The following INTS4 variants were observed in gnomAD, a reference collection of about 807,000 sequenced individuals.
INTS4 encodes the protein MSTP093.
A neutral mutation model predicts 119.5 loss-of-function variants in INTS4; 70 were observed. That is an observed-to-expected ratio of 0.59 (90% CI 0.48 to 0.71). INTS4 has a LOEUF of 0.71. Among genes scored for constraint, INTS4 ranks in the 30% least tolerant of loss-of-function variants. The probability of loss-of-function intolerance (pLI) is 0.00; values close to 1 mark genes in which losing one functional copy is unlikely to be tolerated. For synonymous variants in INTS4, 316 were observed against 419.6 expected (o/e 0.75, Z 3.02); for missense variants, 867 against 1,173.2 (o/e 0.74, Z 3.81).
rs551512173 is a variant in INTS4 at position 77,901,110 on chromosome 11, A to T, written c.2228+311T>A. On this transcript the variant is annotated intron_variant, in intron 18 of 22. Coordinates refer to ENST00000534064, the MANE Select transcript of INTS4 (RefSeq NM_033547.4). ...AAGTGGTCCCTGGCACTAAATTCTTAAGGAAATCTATCAAGTAGGAGGATA... is the reference window on the plus strand; with the variant it reads ...AAGTGGTCCCTGGCACTAAATTCTTTAGGAAATCTATCAAGTAGGAGGATA... Among the ~76,000 whole-genome samples, 4 of 152,326 alleles carry T rather than the reference A, an allele frequency of 2.6e-5. No homozygotes were observed. In the East Asian group the frequency reaches 7.7e-4, roughly 29 times the overall value.
At chr11:77,976,243 G>A (rs1238306175) in intron 4 of INTS4, among the ~76,000 whole-genome samples, 1 of 152,164 alleles carries the variant, frequency 6.6e-6, no homozygotes, top group African/African-American at 2.4e-5. Context: ...TATACTGCTT[G>A]TGGGCATATA....
At chr11:77,948,375 G>A (rs1251649934) in intron 8 of INTS4, among the ~76,000 whole-genome samples, 44 of 152,122 alleles carry the variant, frequency 2.9e-4, no homozygotes, top group Admixed American at 2.8e-3. Context: ...AGCTGGGCGC[G>A]GTGGCTTATG....
chr11:77,974,785 G>A (rs1855880696), intron 4 of INTS4, among the ~76,000 whole-genome samples: 1 of 151,834 alleles, frequency 6.6e-6, no homozygotes, highest in African/African-American at 2.4e-5. Flanking sequence ...GTTTTATGTA[G>A]ATATGGGGTC....
chr11:77,980,947 C>T (rs1349645957), intron 3 of INTS4, among the ~76,000 whole-genome samples: 2 of 151,412 alleles, frequency 1.3e-5, no homozygotes, highest in Admixed American at 6.6e-5. Flanking sequence ...GAGCCGAGAT[C>T]GTGCCACTGC....
intron 8 of INTS4, 92 bp downstream of exon 8, chr11:77,955,850 T>A (rs1954307091): frequency 9.3e-6 from 12 of 1,283,898 alleles, no homozygotes; most frequent in African/African-American, 1.5e-5. Flanking sequence ...GCCAAGAGTT[T>A]GAGACCAACC....
intron 8 of INTS4, among the ~76,000 whole-genome samples, chr11:77,942,050 A>G (rs1280432406): frequency 2.0e-5 from 3 of 152,154 alleles, no homozygotes; most frequent in Non-Finnish European, 4.4e-5. Context: ...CTTTCCATTC[A>G]TCTGTTCATT....
intron 1 of INTS4, among the ~76,000 whole-genome samples, chr11:77,991,922 G>A (rs529799396): frequency 6.6e-6 from 1 of 151,914 alleles, no homozygotes; most frequent in East Asian, 1.9e-4. Flanking sequence ...CACCTACTAC[G>A]TTCAAGCGAT....
intron 22 of INTS4, among the ~76,000 whole-genome samples, chr11:77,883,250 G>A (rs1951863270): frequency 6.6e-6 from 1 of 152,088 alleles, no homozygotes. Context: ...ACACCACTGA[G>A]GCCAATTCTG....
chr11:77,901,692 A>G (rs1223902774), intron 17 of INTS4, 141 bp from the exon 18 acceptor site: 3 of 650,496 alleles, frequency 4.6e-6, no homozygotes, highest in African/African-American at 3.7e-5. Flanking sequence ...GTTGAAAGAA[A>G]TTAGTATAGT....
At chr11:77,970,067 G>C (rs1182349216) in intron 4 of INTS4, among the ~76,000 whole-genome samples, 1 of 152,040 alleles carries the variant, frequency 6.6e-6, no homozygotes, top group Non-Finnish European at 1.5e-5. Context: ...CATTTGACTT[G>C]CTCCCACCTT....
chr11:77,956,308 G>A (rs1270578534), intron 7 of INTS4, among the ~76,000 whole-genome samples: 2 of 152,206 alleles, frequency 1.3e-5, no homozygotes, highest in Admixed American at 6.5e-5. Flanking sequence ...CTACTTGGGA[G>A]GCTGAAGTGG....
intron 15 of INTS4, chr11:77,918,347 G>GA: frequency 2.6e-6 from 1 of 391,658 alleles, no homozygotes; most frequent in South Asian, 2.1e-5. Flanking sequence ...TGAAGTGGGA[G>GA]AATCACTTGC....
At position 77,892,853 on chromosome 11, in the gene INTS4, G is replaced by T. The variant is rs1031643012; in HGVS notation, c.2289-1013C>A. 4.6e-5 allele frequency among the ~76,000 whole-genome samples: 7 copies of T among 152,290 alleles called. No individual in the cohort carries two copies. In the East Asian group the frequency reaches 9.7e-4, roughly 21 times the overall value. ...CCGCCTCAGCCTCCCAAAGTGCTGG[G>T]ATTACAGGCGTGAGCCACCGTGCCC... is the stretch of plus-strand genomic sequence containing the variant. On this transcript the variant is annotated intron_variant, in intron 19 of 22. Transcript: ENST00000534064.
chr11:77,901,393 A>G, intron 18 of INTS4, 28 bp downstream of exon 18: 1 of 1,613,094 alleles, frequency 6.2e-7, no homozygotes, highest in Non-Finnish European at 8.5e-7. Context: ...GGAACATGCC[A>G]CATATTTTGG....
At chr11:77,882,280 G>T (rs776964623) in intron 22 of INTS4, among the ~76,000 whole-genome samples, 1 of 152,106 alleles carries the variant, frequency 6.6e-6, no homozygotes, top group Non-Finnish European at 1.5e-5. Flanking sequence ...AGTCTGCAAT[G>T]AACTAGGATA....
At chr11:77,901,268 A>C in intron 18 of INTS4, 153 bp downstream of exon 18, 2 of 822,902 alleles carry the variant, frequency 2.4e-6, no homozygotes, top group South Asian at 2.9e-5. Flanking sequence ...CAGAATTTGT[A>C]ATATCTGAAA....
At chr11:77,908,534 G>A (rs1483660499) in intron 15 of INTS4, among the ~76,000 whole-genome samples, 1 of 152,056 alleles carries the variant, frequency 6.6e-6, no homozygotes, top group Non-Finnish European at 1.5e-5. Flanking sequence ...TCACCATGTT[G>A]GCCAGGCTGG....
intron 8 of INTS4, among the ~76,000 whole-genome samples, chr11:77,950,776 G>A (rs1280142043): frequency 6.6e-6 from 1 of 152,032 alleles, no homozygotes; most frequent in Non-Finnish European, 1.5e-5. Context: ...CAACGTGCAG[G>A]TTAGTTACAT....
intron 2 of INTS4, chr11:77,987,604 G>A (rs759727874): frequency 1.8e-5 from 8 of 448,680 alleles, no homozygotes; most frequent in Non-Finnish European, 2.7e-5. Flanking sequence ...GGTAGCTCAC[G>A]TCTGTAATCC....
Sources: gnomAD v4.1 joint callset for allele counts (sites outside exome capture counted in the v4.1 genomes callset) on GRCh38, gnomAD v4.1.1 for gene constraint, MANE v1.5 for transcripts, NCBI Gene and HGNC (gene_info 2026-07-23, HGNC 2026-07-21) for gene names.